Variants in WIPF1 observed in about 807,000 individuals in gnomAD.
WIPF1 encodes the protein WAS/WASL-interacting protein family member 1.
Under a neutral mutation model 35.4 loss-of-function variants are expected in WIPF1, and 13 were observed. That is an observed-to-expected ratio of 0.37 (90% CI 0.24 to 0.58). WIPF1 has a LOEUF of 0.58. Among genes scored for constraint, WIPF1 ranks in the 20% least tolerant of loss-of-function variants. The pLI is 0.74. For synonymous variants in WIPF1, 267 were observed against 266.3 expected (o/e 1.00, Z -0.02); for missense variants, 591 against 667.0 (o/e 0.89, Z 1.25).
At chr2:174,610,611 A>AC (rs1300765545) in intron 1 of WIPF1, among the ~76,000 whole-genome samples, 3 of 152,218 alleles carry the variant, frequency 2.0e-5, no homozygotes, top group African/African-American at 7.2e-5. Context: ...AAAAACAAAA[A>AC]ACACACAAAA....
chr2:174,658,156 C>T (rs763691018), intron 1 of WIPF1, among the ~76,000 whole-genome samples: 14 of 152,174 alleles, frequency 9.2e-5, no homozygotes, highest in Admixed American at 2.6e-4. Flanking sequence ...ACCCAATTCT[C>T]GCCTTCTAGG....
chr2:174,635,189 T>C (rs1284182802), intron 1 of WIPF1, among the ~76,000 whole-genome samples: 1 of 152,222 alleles, frequency 6.6e-6, no homozygotes, highest in Non-Finnish European at 1.5e-5. Flanking sequence ...CAATTGTTGG[T>C]TCGGAAAACA....
chr2:174,633,349 A>G (rs1336522392), intron 1 of WIPF1, among the ~76,000 whole-genome samples: 1 of 151,838 alleles, frequency 6.6e-6, no homozygotes, highest in Non-Finnish European at 1.5e-5. Context: ...GACACATTTT[A>G]CAACACTTTG....
intron 1 of WIPF1, among the ~76,000 whole-genome samples, chr2:174,604,237 T>G (rs543134325): frequency 1.4e-4 from 21 of 152,230 alleles, no homozygotes; most frequent in Non-Finnish European, 2.6e-4. Flanking sequence ...AATCTTTTGA[T>G]GAGATCAATA....
intron 1 of WIPF1, among the ~76,000 whole-genome samples, chr2:174,637,544 T>G (rs1248038981): frequency 6.6e-6 from 1 of 152,148 alleles, no homozygotes; most frequent in African/African-American, 2.4e-5. Flanking sequence ...TCCCAGCACT[T>G]TGGGAGGCCT....
chr2:174,580,251 A>G (rs1016037517), intron 3 of WIPF1, among the ~76,000 whole-genome samples: 1 of 152,130 alleles, frequency 6.6e-6, no homozygotes, highest in Admixed American at 6.5e-5. Flanking sequence ...GCGCCCGGCC[A>G]TAGTTCCTTT....
At chr2:174,666,508 A>C (rs1355664677) in intron 1 of WIPF1, among the ~76,000 whole-genome samples, 3 of 152,206 alleles carry the variant, frequency 2.0e-5, no homozygotes, top group African/African-American at 7.2e-5. Flanking sequence ...CCTGCCCTCT[A>C]GTTCCTCAAG....
chr2:174,580,176 C>T (rs571910357), intron 3 of WIPF1, among the ~76,000 whole-genome samples: 39 of 152,226 alleles, frequency 2.6e-4, no homozygotes, highest in African/African-American at 8.9e-4. Context: ...GTCTTGAACT[C>T]CTGGCCTCAA....
At chr2:174,583,016 T>TA (rs1039360491) in intron 2 of WIPF1, among the ~76,000 whole-genome samples, 1 of 152,176 alleles carries the variant, frequency 6.6e-6, no homozygotes, top group Non-Finnish European at 1.5e-5. Context: ...CCCAGGCACC[T>TA]AGTTAGTTGA....
At position 174,640,451 on chromosome 2, in the gene WIPF1, T is replaced by A. The variant is rs559627688; in HGVS notation, c.-39+42323A>T. Among the ~76,000 whole-genome samples, 368 of 149,930 alleles carry A rather than the reference T, an allele frequency of 2.5e-3. 3 individuals are homozygous for A. The Middle Eastern group carries it at 0.065, about 27-fold the overall frequency. Reference sequence around the variant, plus strand: ...CCAGCATGGCACACGTATACATATGTAACTAACCTGCACATTGTGCACATG... The same window carrying A: ...CCAGCATGGCACACGTATACATATGAAACTAACCTGCACATTGTGCACATG... On this transcript the variant is annotated intron_variant, in intron 1 of 8. Coordinates refer to the WIPF1 transcript ENST00000272746.
intron 4 of WIPF1, among the ~76,000 whole-genome samples, chr2:174,572,933 C>A (rs1362275159): frequency 6.6e-6 from 1 of 151,930 alleles, no homozygotes; most frequent in Non-Finnish European, 1.5e-5. Context: ...CTTATCTAGT[C>A]CCTATGAAGA....
At chr2:174,677,036 C>T (rs1160165809) in intron 1 of WIPF1, 5 of 151,934 alleles carry the variant, frequency 3.3e-5, no homozygotes, top group South Asian at 4.2e-4. Flanking sequence ...ACCTGTTATC[C>T]GAGCTTACTT....
chr2:174,614,848 CTGTT>C (rs568403428), intron 1 of WIPF1, among the ~76,000 whole-genome samples: 12 of 152,184 alleles, frequency 7.9e-5, no homozygotes, highest in Non-Finnish European at 1.5e-4. Context: ...TTTCCAACCT[CTGTT>C]TGCACCAATG....
At chr2:174,680,750 C>T (rs913191624) in intron 1 of WIPF1, among the ~76,000 whole-genome samples, 1 of 152,170 alleles carries the variant, frequency 6.6e-6, no homozygotes, top group African/African-American at 2.4e-5. Flanking sequence ...CCTCTCTTCA[C>T]CACCCACCTT....
chr2:174,609,708 A>G (rs1686284299), intron 1 of WIPF1, among the ~76,000 whole-genome samples: 1 of 152,226 alleles, frequency 6.6e-6, no homozygotes, highest in African/African-American at 2.4e-5. Flanking sequence ...AGGGCATTAG[A>G]AAATACTGTT....
At chr2:174,596,823 C>T (rs954662342) in intron 1 of WIPF1, among the ~76,000 whole-genome samples, 18 of 152,094 alleles carry the variant, frequency 1.2e-4, no homozygotes, top group Non-Finnish European at 2.4e-4. Flanking sequence ...TATTTCTTCA[C>T]GGGGAGAAAG....
intron 1 of WIPF1, among the ~76,000 whole-genome samples, chr2:174,658,424 G>A (rs1477197287): frequency 1.3e-5 from 2 of 152,120 alleles, no homozygotes; most frequent in East Asian, 1.9e-4. Flanking sequence ...GAAGACCCAA[G>A]TCCATTACTG....
At chr2:174,666,623 C>T (rs1234584279) in intron 1 of WIPF1, among the ~76,000 whole-genome samples, 1 of 152,234 alleles carries the variant, frequency 6.6e-6, no homozygotes, top group Non-Finnish European at 1.5e-5. Context: ...CAGTGCCTGG[C>T]CTACCTGCCA....
Position 174,581,364 on chromosome 2 carries a change from C to G in WIPF1, c.127G>C (p.Gly43Arg). The change falls in exon 3 of 8, where the codon GGG (glycine) becomes CGG (arginine). Residue 43 changes from glycine (G) to arginine (R), a missense_variant. Physicochemically the swap from Gly to Arg is moderately radical, Grantham distance 125 (BLOSUM62 -2). This residue lies in a region of WIPF1 where 471 missense variants were observed against 501.1 expected (regional missense o/e 0.94). Coordinates refer to ENST00000679041, the MANE Select transcript of WIPF1 (RefSeq NM_001375834.1). ...GTGACCGTCTTCTTTAGTTTCTTCC[C>G]TTTGCTGATATCAGAAAGGAGAGCA... ...RNALLSDISKGKKLKKTVTND... is the reference protein window; with the variant it reads ...RNALLSDISKRKKLKKTVTND... 6.2e-7 allele frequency: 1 copy of G among 1,614,070 alleles called. No homozygotes were observed. Among genetic ancestry groups the G allele is most frequent in the Non-Finnish European group, 8.5e-7 (1 of 1,179,990 alleles).
Sources: allele counts gnomAD v4.1 joint callset (sites outside exome capture counted in the v4.1 genomes callset), GRCh38; gene constraint gnomAD v4.1.1; regional missense constraint gnomAD v4.1.1; transcripts MANE v1.5; gene names NCBI Gene and HGNC (gene_info 2026-07-23, HGNC 2026-07-21).